FBN2: variants seen among roughly 807,000 people sequenced by gnomAD.
FBN2 encodes the protein fibrillin 2.
Under a neutral mutation model 355.6 loss-of-function variants are expected in FBN2, and 105 were observed. That is an observed-to-expected ratio of 0.30 (90% CI 0.25 to 0.35). The LOEUF (loss-of-function observed/expected upper bound fraction) is 0.35, where lower values mean the gene tolerates loss of function less well. Ranked by LOEUF, FBN2 falls within the 10% of genes least tolerant of loss-of-function variation. The pLI, the probability that FBN2 is intolerant of heterozygous loss-of-function variation, is 1.00. For missense variants in FBN2, 3,280 were observed against 3,758.7 expected, an observed-to-expected ratio of 0.87 and a Z score of 3.33; for synonymous variants, 1,350 against 1,301.2, an observed-to-expected ratio of 1.04 and a Z score of -0.81.
At chr5:128,347,814 T>C (rs1489379240) in intron 23 of FBN2, among the ~76,000 whole-genome samples, 1 of 151,992 alleles carries the variant, frequency 6.6e-6, no homozygotes, top group African/African-American at 2.4e-5. Context: ...AGCCTCACTC[T>C]GTTGCCAAGG....
chr5:128,524,973 C>G (rs1756525373), intron 4 of FBN2, among the ~76,000 whole-genome samples: 1 of 152,096 alleles, frequency 6.6e-6, no homozygotes, highest in Admixed American at 6.6e-5. Context: ...GGAAGAACAT[C>G]AAAGCATTTT....
intron 5 of FBN2, among the ~76,000 whole-genome samples, chr5:128,478,550 G>C (rs1755065936): frequency 6.6e-6 from 1 of 152,112 alleles, no homozygotes; most frequent in Non-Finnish European, 1.5e-5. Context: ...AACTGCTTAG[G>C]GCTCTTGACT....
chr5:128,476,702 T>C (rs1321597509), intron 5 of FBN2, among the ~76,000 whole-genome samples: 1 of 152,026 alleles, frequency 6.6e-6, no homozygotes, highest in African/African-American at 2.4e-5. Context: ...TCAAAAAGCG[T>C]GTCTTAATAG....
At chr5:128,267,038 C>T (rs1012956111) in intron 62 of FBN2, among the ~76,000 whole-genome samples, 3 of 151,350 alleles carry the variant, frequency 2.0e-5, no homozygotes, top group Non-Finnish European at 4.4e-5. Context: ...TATGTGTTCT[C>T]GTTGTTCAGC....
At chr5:128,395,021 A>G in intron 9 of FBN2, 101 bp downstream of exon 9, 1 of 1,348,542 alleles carries the variant, frequency 7.4e-7, no homozygotes, top group East Asian at 2.3e-5. Context: ...TCTGGACTCA[A>G]GCAATCCACC....
chr5:128,412,549 G>A (rs1753097933), intron 7 of FBN2, among the ~76,000 whole-genome samples: 1 of 152,172 alleles, frequency 6.6e-6, no homozygotes, highest in East Asian at 1.9e-4. Context: ...GGCCAGTCGA[G>A]TGAAGTTAGC....
At position 128,263,414 on chromosome 5, in the gene FBN2, G is replaced by A; in HGVS notation, c.8192+11C>T. On this transcript the variant is annotated intron_variant, in intron 63 of 64. Transcript: ENST00000262464. ...TATTCCTCTATGTGCTGAGGCTGAA[G>A]GCCGCCTTACCCTTGTCCCACTCTG... 6.3e-7 allele frequency: 1 copy of A among 1,597,292 alleles called. No homozygotes were observed. Among genetic ancestry groups the A allele is most frequent in the Non-Finnish European group, 8.6e-7 (1 of 1,164,758 alleles).
At chr5:128,322,135 G>A (rs1750392980) in intron 34 of FBN2, among the ~76,000 whole-genome samples, 1 of 152,052 alleles carries the variant, frequency 6.6e-6, no homozygotes, top group South Asian at 2.1e-4. Context: ...TTTTTATGGG[G>A]TTGTTTTTTT....
Position 128,537,908 on chromosome 5 carries a change from A to T in FBN2, c.-305T>A. ...GCCTAAAGCCCCGAGCGACTCCAGG[A>T]CCGTCAGCGGGCGGGGGAGGAAATT... On this transcript the variant is annotated 5_prime_UTR_variant, in exon 1 of 65. Transcript: ENST00000262464. The T allele has an allele frequency of 2.1e-6, 1 of 472,198 alleles. No homozygotes were observed. The highest frequency in any genetic ancestry group is 3.9e-5 in the Admixed American group (1 of 25,452). 29.3% of individuals were successfully genotyped at this position (472,198 alleles called of 1,614,324 possible).
chr5:128,462,420 G>A (rs189899026), intron 6 of FBN2, among the ~76,000 whole-genome samples: 3 of 152,170 alleles, frequency 2.0e-5, no homozygotes, highest in African/African-American at 4.8e-5. Context: ...CCTGAACTAC[G>A]GATTAGTATT....
At chr5:128,463,585 A>C (rs1754616909) in intron 6 of FBN2, among the ~76,000 whole-genome samples, 1 of 152,190 alleles carries the variant, frequency 6.6e-6, no homozygotes, top group African/African-American at 2.4e-5. Flanking sequence ...ACTAACAAAA[A>C]TCTGTGGATG....
At chr5:128,350,044 A>C (rs1751306070) in intron 21 of FBN2, 39 bp from the exon 22 acceptor site, 1 of 1,493,342 alleles carries the variant, frequency 6.7e-7, no homozygotes, top group South Asian at 1.1e-5. Flanking sequence ...TCATTATAGA[A>C]TAAAATACAA....
chr5:128,428,386 T>C (rs186164181), intron 7 of FBN2, among the ~76,000 whole-genome samples: 3 of 152,136 alleles, frequency 2.0e-5, no homozygotes, highest in Non-Finnish European at 4.4e-5. Context: ...CTGGACTACA[T>C]CTCTAAACCC....
At chr5:128,529,809 T>C (rs1257053122) in intron 3 of FBN2, among the ~76,000 whole-genome samples, 1 of 152,226 alleles carries the variant, frequency 6.6e-6, no homozygotes, top group Non-Finnish European at 1.5e-5. Context: ...TTTTAAAAGC[T>C]GAGGAAATGG....
At chr5:128,267,218 T>G (rs540812667) in intron 62 of FBN2, among the ~76,000 whole-genome samples, 1 of 152,332 alleles carries the variant, frequency 6.6e-6, no homozygotes, top group Admixed American at 6.5e-5. Context: ...CTTTATCCAG[T>G]CTATCATGGG....
chr5:128,503,539 G>A (rs746272578), intron 5 of FBN2, among the ~76,000 whole-genome samples: 7 of 152,096 alleles, frequency 4.6e-5, no homozygotes, highest in Non-Finnish European at 1.0e-4. Flanking sequence ...ATGGAGATGA[G>A]GAACTTGTTG....
chr5:128,267,150 T>C (rs1445326784), intron 62 of FBN2, among the ~76,000 whole-genome samples: 6 of 152,240 alleles, frequency 3.9e-5, no homozygotes, highest in Non-Finnish European at 8.8e-5. Flanking sequence ...GCAAAGGACA[T>C]GCTCTCATTC....
chr5:128,320,191 G>T (rs1243049767), intron 34 of FBN2, among the ~76,000 whole-genome samples: 1 of 151,854 alleles, frequency 6.6e-6, no homozygotes, highest in Non-Finnish European at 1.5e-5. Context: ...ACTCAAAAAG[G>T]GAATTGTATT....
intron 32 of FBN2, among the ~76,000 whole-genome samples, chr5:128,331,264 C>T (rs149917879): frequency 1.3e-5 from 2 of 152,178 alleles, no homozygotes; most frequent in East Asian, 1.9e-4. Context: ...AACAAAGATG[C>T]CCCCATTGAG....
Sources: allele counts gnomAD v4.1 joint callset (sites outside exome capture counted in the v4.1 genomes callset), GRCh38; gene constraint gnomAD v4.1.1; transcripts MANE v1.5; gene names NCBI Gene and HGNC (gene_info 2026-07-23, HGNC 2026-07-21).